PKIB: variants seen among roughly 807,000 people sequenced by gnomAD.
PKIB encodes the protein cAMP-dependent protein kinase inhibitor beta.
A neutral mutation model predicts 4.5 loss-of-function variants in PKIB; 2 were observed. That is an observed-to-expected ratio of 0.44 (90% CI 0.18 to 1.39). PKIB has a LOEUF of 1.39. Ranked by LOEUF, PKIB falls within the 40% of genes most tolerant of loss-of-function variation. PKIB has a pLI of 0.27. For missense variants in PKIB, 94 were observed against 92.6 expected, an observed-to-expected ratio of 1.02 and a Z score of -0.06; for synonymous variants, 38 against 36.0, an observed-to-expected ratio of 1.06 and a Z score of -0.20.
intron 3 of PKIB, among the ~76,000 whole-genome samples, chr6:122,687,467 C>T (rs1023880846): frequency 5.9e-5 from 9 of 151,964 alleles, no homozygotes; most frequent in African/African-American, 1.7e-4. Flanking sequence ...TTTGTGGTTC[C>T]GTATAAATTT....
chr6:122,711,700 G>C (rs1582836986), intron 3 of PKIB, among the ~76,000 whole-genome samples: 1 of 152,126 alleles, frequency 6.6e-6, no homozygotes, highest in African/African-American at 2.4e-5. Flanking sequence ...ATGTATATTA[G>C]TATTGTAAGT....
intron 3 of PKIB, among the ~76,000 whole-genome samples, chr6:122,678,056 C>T (rs1001956925): frequency 7.2e-5 from 11 of 152,020 alleles, no homozygotes; most frequent in African/African-American, 2.7e-4. Flanking sequence ...TACAGGCACC[C>T]ACCACCATGC....
intron 2 of PKIB, among the ~76,000 whole-genome samples, chr6:122,543,441 A>G (rs1772376564): frequency 6.8e-6 from 1 of 147,960 alleles, no homozygotes; most frequent in South Asian, 2.1e-4. Flanking sequence ...GTGCAATGGC[A>G]TGATCTCAGC....
At chr6:122,691,700 T>C (rs144684645) in intron 3 of PKIB, among the ~76,000 whole-genome samples, 35 of 152,284 alleles carry the variant, frequency 2.3e-4, no homozygotes, top group African/African-American at 8.2e-4. Context: ...CCTGGTAGCT[T>C]ATTTAGTTCA....
chr6:122,551,899 T>A (rs1470840784), intron 2 of PKIB, among the ~76,000 whole-genome samples: 2 of 111,728 alleles, frequency 1.8e-5, no homozygotes, highest in Non-Finnish European at 3.7e-5. Flanking sequence ...TTTTTTTTTT[T>A]ACAACAAATT....
chr6:122,680,283 A>G lies in PKIB; in HGVS notation c.-9+5139A>G, dbSNP rs113235640. On this transcript the variant is annotated intron_variant, in intron 3 of 4. Transcript: ENST00000368452. ...TGGATTGCCATATAGAAATATGATT[A>G]GACAAAATTGATATTATCTCATGCT... Among the ~76,000 whole-genome samples the G allele has an allele frequency of 3.4e-3, 518 of 152,348 alleles. 1 individual carries two copies. Among genetic ancestry groups the G allele is most frequent in the African/African-American group, 0.012 (480 of 41,580 alleles).
chr6:122,578,656 C>A (rs1303349039), intron 2 of PKIB, among the ~76,000 whole-genome samples: 1 of 152,178 alleles, frequency 6.6e-6, no homozygotes, highest in African/African-American at 2.4e-5. Context: ...GCCCACAGAG[C>A]CTGTCTCACA....
chr6:122,600,026 T>TCTATATCTATATCTATATCTATAG (rs1554223101), intron 3 of PKIB, among the ~76,000 whole-genome samples: 1 of 147,598 alleles, frequency 6.8e-6, no homozygotes, highest in African/African-American at 2.5e-5. Flanking sequence ...TATATCTATA[T>TCTATATCTATATCTATATCTATAG]CTATAGCTAT....
intron 2 of PKIB, among the ~76,000 whole-genome samples, chr6:122,576,884 A>C (rs937197643): frequency 7.2e-5 from 11 of 151,740 alleles, no homozygotes; most frequent in Non-Finnish European, 1.6e-4. Flanking sequence ...ATTGAAAACT[A>C]TCAGAAGGAG....
chr6:122,682,952 C>A (rs1271046467), intron 3 of PKIB, among the ~76,000 whole-genome samples: 1 of 152,156 alleles, frequency 6.6e-6, no homozygotes, highest in Non-Finnish European at 1.5e-5. Flanking sequence ...TACTAGAGTT[C>A]ATTGGTTGGG....
chr6:122,640,244 A>G (rs952144544), intron 2 of PKIB, among the ~76,000 whole-genome samples: 1 of 152,188 alleles, frequency 6.6e-6, no homozygotes, highest in African/African-American at 2.4e-5. Context: ...TTAAAATGAC[A>G]CCCACTAACG....
intron 2 of PKIB, among the ~76,000 whole-genome samples, chr6:122,569,048 A>G (rs1400501239): frequency 6.6e-6 from 1 of 151,564 alleles, no homozygotes; most frequent in Non-Finnish European, 1.5e-5. Context: ...AGGCAGTTAT[A>G]CTCCCCTCTG....
At chr6:122,644,708 T>C (rs934775588) in intron 2 of PKIB, 1 of 152,158 alleles carries the variant, frequency 6.6e-6, no homozygotes, top group Non-Finnish European at 1.5e-5. Context: ...AGAATTGTTA[T>C]CATTTTAAGT....
intron 3 of PKIB, among the ~76,000 whole-genome samples, chr6:122,594,834 T>G (rs1238807085): frequency 6.6e-6 from 1 of 152,186 alleles, no homozygotes; most frequent in Non-Finnish European, 1.5e-5. Context: ...CTAATGGATC[T>G]CCTGTATTCC....
intron 1 of PKIB, among the ~76,000 whole-genome samples, chr6:122,621,792 A>G (rs574440789): frequency 1.3e-5 from 2 of 152,360 alleles, no homozygotes; most frequent in Admixed American, 6.5e-5. Context: ...AATTACAGGA[A>G]AAATGGAATC....
At chr6:122,600,271 A>G (rs2114739247) in intron 3 of PKIB, among the ~76,000 whole-genome samples, 1 of 152,274 alleles carries the variant, frequency 6.6e-6, no homozygotes, top group African/African-American at 2.4e-5. Context: ...ATTTGCTGGC[A>G]GCTGATTAGA....
chr6:122,499,687 G>A lies in PKIB; in HGVS notation c.-248+21748G>A, dbSNP rs554558308. ...CCCACTCTCACCACTCCTATTCAACGTAGTACTGGAAGTCCTAGCCAGAGA... is the reference window on the plus strand; with the variant it reads ...CCCACTCTCACCACTCCTATTCAACATAGTACTGGAAGTCCTAGCCAGAGA... On this transcript the variant is annotated intron_variant, in intron 2 of 6. Coordinates refer to the PKIB transcript ENST00000392491. 3.7e-3 allele frequency among the ~76,000 whole-genome samples: 566 copies of A among 152,206 alleles called. 2 individuals are homozygous for A. Among genetic ancestry groups the A allele is most frequent in the African/African-American group, 0.013 (535 of 41,534 alleles).
chr6:122,650,878 G>T (rs1185448796), intron 2 of PKIB, among the ~76,000 whole-genome samples: 1 of 152,144 alleles, frequency 6.6e-6, no homozygotes, highest in Non-Finnish European at 1.5e-5. Flanking sequence ...GTGTAGCAAG[G>T]CAGTTAATTC....
intron 2 of PKIB, among the ~76,000 whole-genome samples, chr6:122,581,299 G>C (rs1189570145): frequency 6.6e-6 from 1 of 152,098 alleles, no homozygotes; most frequent in South Asian, 2.1e-4. Context: ...TTTCAATGTA[G>C]AGAATTTCTT....
Sources: gnomAD v4.1 joint callset for allele counts (sites outside exome capture counted in the v4.1 genomes callset) on GRCh38, gnomAD v4.1.1 for gene constraint, MANE v1.5 for transcripts, NCBI Gene and HGNC (gene_info 2026-07-23, HGNC 2026-07-21) for gene names.